The following SUGP2 variants were observed in gnomAD, a reference collection of about 807,000 sequenced individuals.
SUGP2 encodes SURP and G-patch domain-containing protein 2.
In SUGP2, 24 loss-of-function variants were observed where a neutral mutation model predicts 90.5. The observed-to-expected ratio is 0.27, with a 90% CI of 0.19 to 0.37. The LOEUF is 0.37. Among genes scored for constraint, SUGP2 ranks in the 10% least tolerant of loss-of-function variants. SUGP2 has a pLI of 1.00. For synonymous variants in SUGP2, 473 were observed against 513.4 expected (o/e 0.92, Z 1.06); for missense variants, 1,233 against 1,363.3 (o/e 0.90, Z 1.51).
chr19:18,999,708 G>A (rs2057754445), intron 8 of SUGP2, among the ~76,000 whole-genome samples: 1 of 152,198 alleles, frequency 6.6e-6, no homozygotes, highest in Admixed American at 6.5e-5. Flanking sequence ...GACACCAGCA[G>A]AGCGATCTCG....
rs776124886 is a variant in SUGP2 at position 19,019,193 on chromosome 19, G to A, written c.1766C>T (p.Thr589Ile). ...GACACGTTTCACAAGCTGGTCGATG[G>A]TGCCCACTACCCTGTGATCTGCTCG... ...PQRADHRVVG[T>I]IDQLVKRVIE... is the part of the protein sequence containing the mutation. Residue 589 changes from threonine (T) to isoleucine (I), a missense_variant, in exon 4 of 11, where the codon ACC becomes ATC. Physicochemically the swap from Thr to Ile is moderately conservative, Grantham distance 89. This residue lies in a region of SUGP2 where 540 missense variants were observed against 542.6 expected (regional missense o/e 1.00). Coordinates refer to ENST00000452918, the MANE Select transcript of SUGP2 (RefSeq NM_001017392.5). 6.2e-7 allele frequency: 1 copy of A among 1,614,142 alleles called. No homozygotes were observed. Among genetic ancestry groups the A allele is most frequent in the South Asian group, 1.1e-5 (1 of 91,070 alleles).
intron 7 of SUGP2, 123 bp from the exon 8 acceptor site, chr19:19,001,797 C>CTGCAT: frequency 1.1e-6 from 1 of 935,326 alleles, no homozygotes; most frequent in East Asian, 2.5e-5. Flanking sequence ...GTCTTAGGCT[C>CTGCAT]TGCATGGCAG....
chr19:19,024,033 A>T (rs988128999), intron 3 of SUGP2, among the ~76,000 whole-genome samples: 1 of 152,228 alleles, frequency 6.6e-6, no homozygotes, highest in Non-Finnish European at 1.5e-5. Flanking sequence ...TTGTGCGTGA[A>T]TAGATGAGCA....
chr19:19,004,159 G>A lies in SUGP2; in HGVS notation c.2929+9C>T. ...CTAGAGGCAACTGTGCCGACAGGCG[G>A]GCACTCACCTTTTGGCTCCTGGATG... On this transcript the variant is annotated intron_variant, in intron 7 of 10. Coordinates refer to ENST00000452918, the MANE Select transcript of SUGP2 (RefSeq NM_001017392.5). 6.5e-7 allele frequency: 1 copy of A among 1,538,970 alleles called. No individual in the cohort carries two copies. The highest frequency in any genetic ancestry group is 8.8e-7 in the Non-Finnish European group (1 of 1,140,632).
At chr19:19,006,603 A>G (rs1436948401) in intron 6 of SUGP2, among the ~76,000 whole-genome samples, 1 of 152,250 alleles carries the variant, frequency 6.6e-6, no homozygotes, top group African/African-American at 2.4e-5. Flanking sequence ...GTGAAAAAGA[A>G]AAAAGGACTC....
intron 4 of SUGP2, among the ~76,000 whole-genome samples, chr19:19,015,731 C>T (rs1295819888): frequency 2.6e-5 from 4 of 152,278 alleles, no homozygotes; most frequent in African/African-American, 4.8e-5. Context: ...TCTCGAACTC[C>T]CAACCTCAAG....
Position 18,992,686 on chromosome 19 carries a change from G to A in SUGP2, c.*1055C>T, listed in dbSNP as rs893904839. 3 of 152,188 alleles carry A rather than the reference G, an allele frequency of 2.0e-5. No individual in the cohort carries two copies. Among genetic ancestry groups the A allele is most frequent in the Non-Finnish European group, 2.9e-5 (2 of 68,084 alleles). The allele number at this position is 152,188 out of a possible 1,614,324, so 9.4% of individuals were successfully genotyped here. A position where few individuals can be genotyped will look rare whatever the true frequency, so the allele number is the denominator to read the frequency against. ...GATTTCTTTACAGCCAATACAAGTG[G>A]CATTTCCCGCTCAGTTCTGTGGCTG... On this transcript the variant is annotated 3_prime_UTR_variant, in exon 11 of 11. Transcript: ENST00000452918.
intron 4 of SUGP2, among the ~76,000 whole-genome samples, chr19:19,012,843 CTT>C (rs1214762942): frequency 1.3e-5 from 2 of 152,090 alleles, no homozygotes; most frequent in African/African-American, 4.8e-5. Context: ...TCCAATTCCT[CTT>C]ATCATGGTTT....
At chr19:19,013,506 T>C (rs1053581175) in intron 4 of SUGP2, among the ~76,000 whole-genome samples, 4 of 152,328 alleles carry the variant, frequency 2.6e-5, no homozygotes, top group African/African-American at 9.6e-5. Flanking sequence ...TTTTATTTTG[T>C]ATCAATATCC....
At chr19:19,013,921 C>T (rs1193476849) in intron 4 of SUGP2, among the ~76,000 whole-genome samples, 2 of 152,210 alleles carry the variant, frequency 1.3e-5, no homozygotes, top group Non-Finnish European at 2.9e-5. Flanking sequence ...TAGAAAAGGA[C>T]GGAAGCCTGC....
intron 3 of SUGP2, among the ~76,000 whole-genome samples, chr19:19,020,612 T>C (rs2058688431): frequency 6.6e-6 from 1 of 151,450 alleles, no homozygotes; most frequent in Non-Finnish European, 1.5e-5. Flanking sequence ...TACAGCTTTA[T>C]TTTTTTGTAC....
chr19:19,027,830 G>T (rs546904749), intron 2 of SUGP2, among the ~76,000 whole-genome samples: 1 of 152,242 alleles, frequency 6.6e-6, no homozygotes, highest in African/African-American at 2.4e-5. Context: ...TAGAGACAGG[G>T]TTTCACCACA....
rs1163067789 is a variant in SUGP2, at chr19:19,019,236, C to T, written c.1730-7G>A. 6.2e-7 allele frequency: 1 copy of T among 1,609,016 alleles called. No individual in the cohort carries two copies. Among genetic ancestry groups the T allele is most frequent in the Non-Finnish European group, 8.5e-7 (1 of 1,175,946 alleles). On this transcript the variant is annotated splice_polypyrimidine_tract_variant and splice_region_variant and intron_variant, in intron 3 of 10. Coordinates refer to ENST00000452918, the MANE Select transcript of SUGP2 (RefSeq NM_001017392.5). ...TCTGCTCGCTGGGGGACAGCTGGAA[C>T]ACACAGAACAGCTTCTCTGAGAAAT...
intron 5 of SUGP2, among the ~76,000 whole-genome samples, chr19:19,008,690 A>G (rs1000218289): frequency 6.6e-6 from 1 of 152,196 alleles, no homozygotes; most frequent in African/African-American, 2.4e-5. Flanking sequence ...TGGGCCTTGG[A>G]GGACTTGAGT....
At chr19:19,031,170 G>A (rs1171941477) in intron 1 of SUGP2, 88 bp from the exon 2 acceptor site, 8 of 1,412,330 alleles carry the variant, frequency 5.7e-6, no homozygotes, top group African/African-American at 1.4e-5. Flanking sequence ...CACTTTGGGA[G>A]GTCGAGGTGG....
chr19:19,024,499 C>G (rs1209715718), intron 3 of SUGP2, 120 bp downstream of exon 3: 8 of 1,202,998 alleles, frequency 6.7e-6, no homozygotes, highest in Middle Eastern at 2.0e-4. Flanking sequence ...GCGTTTTCTA[C>G]TAAAATCCTG....
At position 19,026,121 on chromosome 19, in the gene SUGP2, C is replaced by A. The variant is rs763552355; in HGVS notation, c.227G>T (p.Gly76Val). The A allele has an allele frequency of 1.2e-6, 2 of 1,614,004 alleles. No individual in the cohort carries two copies. Among genetic ancestry groups the A allele is most frequent in the African/African-American group, 2.7e-5 (2 of 74,900 alleles). ...SGSVAHSRDAGREGLRSDVFP... is the reference protein window; with the variant it reads ...SGSVAHSRDAVREGLRSDVFP... ...TACGTCACTTCTCAGGCCTTCTCTT[C>A]CGGCATCTCTAGAGTGAGCTACAGA... The change falls in exon 3 of 11, where the codon GGA becomes GTA. Residue 76 changes from glycine to valine, a missense_variant. By Grantham distance (109) the Gly-to-Val change is moderately radical. This residue lies in a region of SUGP2 where 418 missense variants were observed against 399.9 expected (regional missense o/e 1.05). Transcript: ENST00000452918.
chr19:18,994,270 G>A, intron 10 of SUGP2, 96 bp downstream of exon 10: 2 of 1,499,004 alleles, frequency 1.3e-6, no homozygotes. Context: ...GCATTTTTGG[G>A]GGAGCAGGGA....
At position 19,025,948 on chromosome 19, in the gene SUGP2, G is replaced by C; in HGVS notation, c.400C>G (p.Gln134Glu). Residue 134 changes from glutamine to glutamate, a missense_variant, in exon 3 of 11, where the codon CAG becomes GAG. Around this residue, in one of 8 missense-constraint regions of SUGP2, gnomAD observed 418 missense variants for 399.9 expected, o/e 1.05. Coordinates refer to ENST00000452918, the MANE Select transcript of SUGP2 (RefSeq NM_001017392.5). ...GHRKLGHFRS[Q>E]DWKFALRGSW... ...CCACGGAGCGCAAATTTCCAGTCCT[G>C]AGAACGGAAATGCCCCAATTTCCGG... 3 of 1,614,158 alleles carry C rather than the reference G, an allele frequency of 1.9e-6. No homozygotes were observed. The highest frequency in any genetic ancestry group is 2.5e-6 in the Non-Finnish European group (3 of 1,180,036).
Sources: gnomAD v4.1 joint callset for allele counts (sites outside exome capture counted in the v4.1 genomes callset) on GRCh38, gnomAD v4.1.1 for gene constraint, gnomAD v4.1.1 regional missense constraint, MANE v1.5 for transcripts, NCBI Gene and HGNC (gene_info 2026-07-23, HGNC 2026-07-21) for gene names.